Variants in GSAP observed in about 807,000 individuals in gnomAD.
GSAP encodes gamma-secretase-activating protein.
In GSAP, 118 loss-of-function variants were observed where a neutral mutation model predicts 131.7. The ratio of observed to expected loss-of-function variants is 0.90; its 90% CI spans 0.77 to 1.04. The LOEUF is 1.04. GSAP is among the 50% of genes least tolerant of loss of function. GSAP has a pLI of 0.00. For missense variants in GSAP, 1,019 were observed against 1,013.2 expected (o/e 1.01, Z -0.08); for synonymous variants, 381 against 363.4 (o/e 1.05, Z -0.55).
chr7:77,319,050 A>G (rs1375894398), intron 26 of GSAP, among the ~76,000 whole-genome samples: 3 of 152,084 alleles, frequency 2.0e-5, no homozygotes, highest in Non-Finnish European at 2.9e-5. Flanking sequence ...ATGTACCCTA[A>G]AACTTAAAGT....
At chr7:77,328,489 G>T in intron 22 of GSAP, 117 bp downstream of exon 22, 1 of 1,477,160 alleles carries the variant, frequency 6.8e-7, no homozygotes, top group Non-Finnish European at 9.0e-7. Flanking sequence ...AAAAGGTGCT[G>T]CCTGCACCAC....
chr7:77,328,012 T>C (rs1474281438), intron 22 of GSAP, among the ~76,000 whole-genome samples: 2 of 152,192 alleles, frequency 1.3e-5, no homozygotes, highest in Non-Finnish European at 2.9e-5. Flanking sequence ...CCATTTAGTC[T>C]CATTTTCTCC....
At chr7:77,401,532 T>C (rs1287668702) in intron 3 of GSAP, among the ~76,000 whole-genome samples, 1 of 151,992 alleles carries the variant, frequency 6.6e-6, no homozygotes, top group Non-Finnish European at 1.5e-5. Flanking sequence ...AAAAAACACA[T>C]TCTCAGATGA....
At chr7:77,361,838 A>G (rs1270828458) in intron 13 of GSAP, among the ~76,000 whole-genome samples, 1 of 152,190 alleles carries the variant, frequency 6.6e-6, no homozygotes, top group Admixed American at 6.5e-5. Flanking sequence ...TAGATTGTTT[A>G]TCAATATCTT....
chr7:77,404,915 A>C (rs763322736), intron 2 of GSAP, among the ~76,000 whole-genome samples: 4 of 152,218 alleles, frequency 2.6e-5, no homozygotes, highest in Admixed American at 6.5e-5. Flanking sequence ...CATATGATAG[A>C]TAATAGGGAT....
intron 12 of GSAP, among the ~76,000 whole-genome samples, chr7:77,370,274 A>G (rs953820543): frequency 6.6e-6 from 1 of 152,186 alleles, no homozygotes; most frequent in Non-Finnish European, 1.5e-5. Context: ...CGTGGCCAAC[A>G]TGGCGAAACC....
intron 3 of GSAP, among the ~76,000 whole-genome samples, chr7:77,398,197 A>G (rs1456020394): frequency 6.6e-6 from 1 of 152,180 alleles, no homozygotes; most frequent in East Asian, 1.9e-4. Flanking sequence ...CGACTAAGAG[A>G]AACAGTAAAT....
intron 1 of GSAP, among the ~76,000 whole-genome samples, chr7:77,412,656 T>C (rs1417660186): frequency 6.9e-6 from 1 of 145,354 alleles, no homozygotes; most frequent in African/African-American, 2.6e-5. Flanking sequence ...TTAAAAAAAA[T>C]AGGAAAGTGG....
intron 19 of GSAP, among the ~76,000 whole-genome samples, chr7:77,339,443 C>A (rs1790556056): frequency 6.6e-6 from 1 of 152,142 alleles, no homozygotes; most frequent in South Asian, 2.1e-4. Context: ...AGCAATACAC[C>A]TCTGCCTTCC....
rs57095326 is a variant in GSAP, at chr7:77,414,844, C to CTTTTTTTTTTTTTTTTTTTTT, written c.109+1348_109+1368dup. Among the ~76,000 whole-genome samples the CTTTTTTTTTTTTTTTTTTTTT allele has an allele frequency of 1.3e-4, 8 of 59,876 alleles. 2 individuals carry two copies. The highest frequency in any genetic ancestry group is 5.2e-4 in the African/African-American group (7 of 13,530). The allele number at this position is 59,876 out of a possible 152,430, so 39.3% of individuals were successfully genotyped here. ...AAAAACTTTTCAGACATGTGGGCGA[C>CTTTTTTTTTTTTTTTTTTTTT]TTTTTTTTTTTTTTTTTTTTTTTTT... is the stretch of plus-strand genomic sequence containing the variant. On this transcript the variant is annotated intron_variant, in intron 1 of 30. Coordinates refer to ENST00000257626, the MANE Select transcript of GSAP (RefSeq NM_017439.4).
chr7:77,377,237 T>TAAAAAAAAAAAAAAA lies in GSAP; in HGVS notation c.681+34_681+48dup, dbSNP rs533755073. On this transcript the variant is annotated intron_variant, in intron 9 of 30. Transcript: ENST00000257626. The stretch of plus-strand genomic sequence containing the variant: ...GTCTCTAAAAAAATTAATATTTTTG[T>TAAAAAAAAAAAAAAA]AAAAAAAAAAAAAAAAAAAAAGGAG... The TAAAAAAAAAAAAAAA allele has an allele frequency of 4.4e-3, 3,927 of 892,008 alleles. 152 individuals carry two copies. Among genetic ancestry groups the TAAAAAAAAAAAAAAA allele is most frequent in the South Asian group, 6.4e-3 (183 of 28,516 alleles). The allele number at this position is 892,008 out of a possible 1,614,324, so 55.3% of individuals were successfully genotyped here.
At chr7:77,401,490 C>T (rs1165189352) in intron 3 of GSAP, among the ~76,000 whole-genome samples, 2 of 152,014 alleles carry the variant, frequency 1.3e-5, no homozygotes, top group Non-Finnish European at 2.9e-5. Context: ...GAATTCTACA[C>T]TTGGCAAAAT....
intron 10 of GSAP, 147 bp from the exon 11 acceptor site, chr7:77,375,248 C>A (rs1169982672): frequency 3.9e-6 from 2 of 506,510 alleles, no homozygotes; most frequent in Non-Finnish European, 7.1e-6. Flanking sequence ...GGTTATTATA[C>A]TCCAAATCCA....
chr7:77,311,356 T>C lies in GSAP; in HGVS notation c.*2A>G. 6.3e-6 allele frequency: 10 copies of C among 1,588,098 alleles called. No individual in the cohort carries two copies. Among genetic ancestry groups the C allele is most frequent in the Non-Finnish European group, 7.8e-6 (9 of 1,156,600 alleles). On this transcript the variant is annotated 3_prime_UTR_variant, in exon 31 of 31. Transcript: ENST00000257626. ...GCAGCAGATCCAATTGCGTTTTCTT[T>C]TTCATAAGCCTAAAAGCATCGCGGT...
Position 77,314,240 on chromosome 7 carries a change from T to G in GSAP, c.2209+130A>C. ...AAGAATTTCAAGATGTAATGCAGCA[T>G]TAAACTGAGCAGGGCACTCTTCTGA... is the stretch of plus-strand genomic sequence containing the variant. On this transcript the variant is annotated intron_variant, in intron 27 of 30. Coordinates refer to ENST00000257626, the MANE Select transcript of GSAP (RefSeq NM_017439.4). 3 of 861,704 alleles carry G rather than the reference T, an allele frequency of 3.5e-6. No individual in the cohort carries two copies. The South Asian group carries it at 4.8e-5, about 14-fold the overall frequency. 53.4% of individuals were successfully genotyped at this position (861,704 alleles called of 1,614,324 possible).
At chr7:77,323,833 T>A in intron 23 of GSAP, 91 bp from the exon 24 acceptor site, 1 of 556,120 alleles carries the variant, frequency 1.8e-6, no homozygotes, top group African/African-American at 2.0e-5. Flanking sequence ...ACATTCTTCA[T>A]CAATATAAAA....
chr7:77,381,518 A>C (rs1397872643), intron 7 of GSAP, among the ~76,000 whole-genome samples, 164 bp from the exon 8 acceptor site: 1 of 152,210 alleles, frequency 6.6e-6, no homozygotes, highest in Non-Finnish European at 1.5e-5. Flanking sequence ...AGAGGTTCAA[A>C]AACTTTTTAA....
chr7:77,397,530 T>C (rs1435293963), intron 3 of GSAP, 115 bp from the exon 4 acceptor site: 1 of 599,320 alleles, frequency 1.7e-6, no homozygotes, highest in Non-Finnish European at 3.0e-6. Context: ...AATATTTTGG[T>C]AAAGAATCAA....
chr7:77,363,405 T>C (rs1465595868), intron 12 of GSAP, among the ~76,000 whole-genome samples: 1 of 152,222 alleles, frequency 6.6e-6, no homozygotes, highest in Admixed American at 6.5e-5. Flanking sequence ...AACAGGTATG[T>C]CTATCATTTA....
Sources: gnomAD v4.1 joint callset for allele counts (sites outside exome capture counted in the v4.1 genomes callset) on GRCh38, gnomAD v4.1.1 for gene constraint, MANE v1.5 for transcripts, NCBI Gene and HGNC (gene_info 2026-07-23, HGNC 2026-07-21) for gene names.